The following PCDHGA7 variants were observed in gnomAD, a reference collection of about 807,000 sequenced individuals.
PCDHGA7 encodes protocadherin gamma subfamily A, 7.
In PCDHGA7, 44 loss-of-function variants were observed where a neutral mutation model predicts 58.3. That is an observed-to-expected ratio of 0.75 (90% CI 0.59 to 0.97). PCDHGA7 has a LOEUF of 0.97. Among genes scored for constraint, PCDHGA7 ranks in the 50% least tolerant of loss-of-function variants. The pLI, the probability that PCDHGA7 is intolerant of heterozygous loss-of-function variation, is 0.00. For synonymous variants in PCDHGA7, 516 were observed against 504.2 expected (o/e 1.02, Z -0.31); for missense variants, 1,266 against 1,188.7 (o/e 1.06, Z -0.96).
chr5:141,401,342 C>CA (rs929380194), intron 1 of PCDHGA7, among the ~76,000 whole-genome samples: 26 of 150,494 alleles, frequency 1.7e-4, no homozygotes, highest in East Asian at 1.6e-3. Context: ...AACTCCATCT[C>CA]AAAAAAAAGG....
chr5:141,481,455 C>T (rs2099537897), intron 1 of PCDHGA7, among the ~76,000 whole-genome samples: 1 of 152,176 alleles, frequency 6.6e-6, no homozygotes, highest in African/African-American at 2.4e-5. Flanking sequence ...TGTAAATACA[C>T]TGAAAACCAT....
intron 1 of PCDHGA7, chr5:141,441,894 G>T: frequency 2.9e-6 from 1 of 347,862 alleles, no homozygotes; most frequent in Non-Finnish European, 5.6e-6. Context: ...CCAAGGTGGT[G>T]GCTGTAGACG....
intron 1 of PCDHGA7, among the ~76,000 whole-genome samples, chr5:141,459,184 G>GC (rs2098963022): frequency 6.6e-6 from 1 of 152,134 alleles, no homozygotes; most frequent in South Asian, 2.1e-4. Flanking sequence ...GTTCCCTCAT[G>GC]CCCCTTTGCA....
At chr5:141,482,602 C>T (rs2099569087) in intron 1 of PCDHGA7, among the ~76,000 whole-genome samples, 1 of 142,506 alleles carries the variant, frequency 7.0e-6, no homozygotes, top group Non-Finnish European at 1.5e-5. Flanking sequence ...CGGGAAAAAA[C>T]ACCTAAATGA....
chr5:141,432,133 C>T lies in PCDHGA7; in HGVS notation c.2424+46810C>T, dbSNP rs1468632362. The stretch of plus-strand genomic sequence containing the variant: ...CGGTCTTCCCTCAGGCCTCCTATTC[C>T]GCTTATATCCCAGAGAACAATCCCA... On this transcript the variant is annotated intron_variant, in intron 1 of 3. Transcript: ENST00000518325. This position sits in a 1 kb window ranked among gnomAD's most constrained non-coding sequence, Gnocchi z 6.0. 9 of 1,614,142 alleles carry T rather than the reference C, an allele frequency of 5.6e-6. No homozygotes were observed. The highest frequency in any genetic ancestry group is 1.6e-4 in the Middle Eastern group (1 of 6,062).
chr5:141,460,924 A>ATG (rs1333352687), intron 1 of PCDHGA7, among the ~76,000 whole-genome samples: 26 of 150,590 alleles, frequency 1.7e-4, no homozygotes, highest in South Asian at 6.3e-4. Flanking sequence ...ATATATATAT[A>ATG]TGTGTGTGTG....
intron 2 of PCDHGA7, among the ~76,000 whole-genome samples, chr5:141,496,121 C>A (rs1391009290): frequency 6.6e-6 from 1 of 152,088 alleles, no homozygotes; most frequent in Non-Finnish European, 1.5e-5. Flanking sequence ...TCCTTCCCTG[C>A]CCCTCACACA....
chr5:141,483,946 T>C (rs374723616), intron 1 of PCDHGA7, among the ~76,000 whole-genome samples: 127 of 148,696 alleles, frequency 8.5e-4, no homozygotes, highest in Non-Finnish European at 1.5e-3. Flanking sequence ...ACGGTGTGAA[T>C]TGTGTTGTGT....
chr5:141,441,836 C>T (rs1026890754), intron 1 of PCDHGA7: 2 of 354,006 alleles, frequency 5.6e-6, no homozygotes, highest in Non-Finnish European at 1.1e-5. Flanking sequence ...AATGGCTTCG[C>T]GCTCTTGGAT....
chr5:141,431,719 A>G lies in PCDHGA7; in HGVS notation c.2424+46396A>G. On this transcript the variant is annotated intron_variant, in intron 1 of 3. Transcript: ENST00000518325. This position sits in a 1 kb window ranked among gnomAD's most constrained non-coding sequence, Gnocchi z 4.8. ...CAGGATTCTACCAGATGGAAGTGCA[A>G]GCAATGGATAATGCAGGATATTCTG... 6.2e-7 allele frequency: 1 copy of G among 1,614,244 alleles called. No individual in the cohort carries two copies. Among genetic ancestry groups the G allele is most frequent in the Non-Finnish European group, 8.5e-7 (1 of 1,180,050 alleles).
At chr5:141,392,665 T>C (rs1169450587) in intron 1 of PCDHGA7, 3 of 818,380 alleles carry the variant, frequency 3.7e-6, no homozygotes, top group Non-Finnish European at 5.4e-6. Context: ...TGCCACAAAC[T>C]AACTGCTGGA....
At chr5:141,412,441 G>A (rs1334085357) in intron 1 of PCDHGA7, 2 of 152,124 alleles carry the variant, frequency 1.3e-5, no homozygotes, top group Non-Finnish European at 2.9e-5. Context: ...GTTAATTAAG[G>A]CTCAGTAAAA....
At chr5:141,388,923 T>G (rs374663443) in intron 1 of PCDHGA7, 2 of 1,614,002 alleles carry the variant, frequency 1.2e-6, no homozygotes, top group Admixed American at 1.7e-5. Context: ...AGAAGTGATA[T>G]TCCAGTCTCT....
chr5:141,414,209 A>G (rs2095719803), intron 1 of PCDHGA7: 3 of 1,612,712 alleles, frequency 1.9e-6, no homozygotes, highest in South Asian at 2.2e-5. Flanking sequence ...GAAGATGTAA[A>G]TGACAACAGT....
In PCDHGA7 at chr5:141,431,716, G is replaced by T; in HGVS notation, c.2424+46393G>T. On this transcript the variant is annotated intron_variant, in intron 1 of 3. Transcript: ENST00000518325. The surrounding 1 kb of genome is among the most constrained non-coding windows in gnomAD (Gnocchi z 4.8). ...AGTCAGGATTCTACCAGATGGAAGT[G>T]CAAGCAATGGATAATGCAGGATATT... 1 of 1,614,244 alleles carries T rather than the reference G, an allele frequency of 6.2e-7. No homozygotes were observed. Among genetic ancestry groups the T allele is most frequent in the Middle Eastern group, 1.6e-4 (1 of 6,062 alleles).
intron 1 of PCDHGA7, among the ~76,000 whole-genome samples, chr5:141,459,613 C>T (rs1040874685): frequency 2.6e-5 from 4 of 152,188 alleles, no homozygotes; most frequent in African/African-American, 9.7e-5. Context: ...ATATGCTTAA[C>T]TTTATAAGAA....
intron 1 of PCDHGA7, chr5:141,408,178 G>A (rs1425207794): frequency 1.3e-6 from 2 of 1,535,708 alleles, no homozygotes; most frequent in Non-Finnish European, 1.8e-6. Context: ...GAAAAGCGGG[G>A]ACCCAGCGAG....
At chr5:141,508,434 G>A (rs2099868795) in intron 3 of PCDHGA7, among the ~76,000 whole-genome samples, 1 of 152,160 alleles carries the variant, frequency 6.6e-6, no homozygotes, top group Admixed American at 6.5e-5. Flanking sequence ...AGCTCACACA[G>A]TTCCTTAGTG....
chr5:141,389,645 C>A, intron 1 of PCDHGA7: 1 of 1,612,912 alleles, frequency 6.2e-7, no homozygotes, highest in Non-Finnish European at 8.5e-7. Context: ...ACTTGGTGAC[C>A]AAGGTAGTGG....
Sources: allele counts gnomAD v4.1 joint callset (sites outside exome capture counted in the v4.1 genomes callset), GRCh38; gene constraint gnomAD v4.1.1; non-coding constraint Gnocchi (gnomAD v3.1); transcripts MANE v1.5; gene names NCBI Gene and HGNC (gene_info 2026-07-23, HGNC 2026-07-21).